The following ST3GAL1 variants were observed in gnomAD, a reference collection of about 807,000 sequenced individuals.
The protein encoded by ST3GAL1 is ST3 beta-galactoside alpha-2,3-sialyltransferase 1, also known as CMP-N-acetylneuraminate-beta-galactosamide-alpha-2,3-sialyltransferase 1.
A neutral mutation model predicts 34.1 loss-of-function variants in ST3GAL1; 16 were observed. The observed-to-expected ratio is 0.47, with a 90% CI of 0.32 to 0.71. The LOEUF (loss-of-function observed/expected upper bound fraction) is 0.71, where lower values mean the gene tolerates loss of function less well. Among genes scored for constraint, ST3GAL1 ranks in the 30% least tolerant of loss-of-function variants. ST3GAL1 has a pLI of 0.04. For synonymous variants in ST3GAL1, 191 were observed against 184.7 expected, an observed-to-expected ratio of 1.03 and a Z score of -0.28; for missense variants, 353 against 447.4, an observed-to-expected ratio of 0.79 and a Z score of 1.90.
At chr8:133,528,664 G>T (rs1001004398) in intron 2 of ST3GAL1, among the ~76,000 whole-genome samples, 2 of 152,198 alleles carry the variant, frequency 1.3e-5, no homozygotes, top group African/African-American at 4.8e-5. Context: ...TTTGTCTATG[G>T]CTGCTTTGTG....
chr8:133,489,118 T>G (rs896475781), intron 3 of ST3GAL1, among the ~76,000 whole-genome samples: 1 of 152,100 alleles, frequency 6.6e-6, no homozygotes, highest in Non-Finnish European at 1.5e-5. Context: ...AGCCCTAGGG[T>G]TGGAAACAGT....
At chr8:133,530,309 T>G (rs1489250460) in intron 2 of ST3GAL1, among the ~76,000 whole-genome samples, 2 of 151,798 alleles carry the variant, frequency 1.3e-5, no homozygotes. Context: ...GAGACAGAGT[T>G]TTGCTCTTGT....
chr8:133,551,602 G>GA (rs1262217481), intron 1 of ST3GAL1, among the ~76,000 whole-genome samples: 1 of 150,422 alleles, frequency 6.6e-6, no homozygotes, highest in Non-Finnish European at 1.5e-5. Context: ...AAGAAAGAAA[G>GA]AAAGAAAGAA....
rs534118986 is a variant in ST3GAL1 at position 133,556,943 on chromosome 8, T to C, written c.-581-11017A>G. On this transcript the variant is annotated intron_variant, in intron 1 of 9. Transcript: ENST00000522652. The surrounding 1 kb of genome is among the most constrained non-coding windows in gnomAD (Gnocchi z 8.9). ...CAGATATACTGGGTCTCGAGCCTTT[T>C]ATGATGTGCATGCATGTGTTAGAAG... 6.6e-6 allele frequency among the ~76,000 whole-genome samples: 1 copy of C among 152,290 alleles called. No individual in the cohort carries two copies. The highest frequency in any genetic ancestry group is 2.4e-5 in the African/African-American group (1 of 41,552).
chr8:133,532,025 C>T (rs1193685518), intron 2 of ST3GAL1, among the ~76,000 whole-genome samples: 1 of 152,152 alleles, frequency 6.6e-6, no homozygotes. Context: ...CAAATGACAT[C>T]TGATTTCACG....
chr8:133,540,836 G>GAGACATATATATATAGACATATATATAT (rs1563734034), intron 2 of ST3GAL1, among the ~76,000 whole-genome samples: 4 of 48,380 alleles, frequency 8.3e-5, no homozygotes, highest in African/African-American at 3.6e-4. Flanking sequence ...CATATATATA[G>GAGACATATATATATAGACATATATATAT]AGAGACATAT....
intron 3 of ST3GAL1, among the ~76,000 whole-genome samples, chr8:133,490,372 G>A (rs1043547949): frequency 2.0e-5 from 3 of 152,206 alleles, no homozygotes; most frequent in Non-Finnish European, 1.5e-5. Context: ...GGCGGCATGC[G>A]TATCTTCACT....
At chr8:133,462,724 C>T (rs1253872023) in intron 8 of ST3GAL1, among the ~76,000 whole-genome samples, 1 of 152,156 alleles carries the variant, frequency 6.6e-6, no homozygotes, top group Non-Finnish European at 1.5e-5. Flanking sequence ...TGGCCTCCTA[C>T]CATCTCTAGG....
At chr8:133,555,147 G>A (rs1818972567) in intron 1 of ST3GAL1, among the ~76,000 whole-genome samples, 1 of 152,154 alleles carries the variant, frequency 6.6e-6, no homozygotes, top group East Asian at 1.9e-4. Context: ...GGACTGCTCA[G>A]CCTTTCCAGA....
chr8:133,456,429 C>G lies in ST3GAL1; in HGVS notation c.*3335G>C, dbSNP rs1276608166. 6.6e-6 allele frequency: 1 copy of G among 152,276 alleles called. No homozygotes were observed. Among genetic ancestry groups the G allele is most frequent in the Admixed American group, 6.5e-5 (1 of 15,294 alleles). The allele number at this position is 152,276 out of a possible 1,614,324, so 9.4% of individuals were successfully genotyped here. ...GAATGCAGGGCCAGTCTCCAAGGAA[C>G]TCTGTCTGCAGAGTAGAAAGAGCTG... On this transcript the variant is annotated 3_prime_UTR_variant, in exon 10 of 10. Coordinates refer to ENST00000522652, the MANE Select transcript of ST3GAL1 (RefSeq NM_173344.3).
chr8:133,508,722 T>C lies in ST3GAL1; in HGVS notation c.-428-9533A>G, dbSNP rs183591738. ...CCATTGGTCATTTAGTAAAGACTCGTTGGGTCCCAAGAATGTGCCAGGCTC... is the reference window on the plus strand; with the variant it reads ...CCATTGGTCATTTAGTAAAGACTCGCTGGGTCCCAAGAATGTGCCAGGCTC... On this transcript the variant is annotated intron_variant, in intron 2 of 9. Transcript: ENST00000522652. The surrounding 1 kb of genome is among the most constrained non-coding windows in gnomAD (Gnocchi z 4.1). Among the ~76,000 whole-genome samples, 12 of 152,166 alleles carry C rather than the reference T, an allele frequency of 7.9e-5. No homozygotes were observed. The East Asian group carries it at 2.3e-3, about 29-fold the overall frequency.
intron 3 of ST3GAL1, among the ~76,000 whole-genome samples, chr8:133,497,348 T>A (rs923816351): frequency 6.6e-6 from 1 of 151,656 alleles, no homozygotes; most frequent in African/African-American, 2.4e-5. Flanking sequence ...GACAAAACCA[T>A]TGCAAACTTC....
At chr8:133,540,764 CATAT>C (rs1181520968) in intron 2 of ST3GAL1, among the ~76,000 whole-genome samples, 1 of 75,254 alleles carries the variant, frequency 1.3e-5, no homozygotes, top group East Asian at 4.3e-4. Flanking sequence ...TATATATAGA[CATAT>C]ATATATAGAG....
chr8:133,510,045 G>A lies in ST3GAL1; in HGVS notation c.-428-10856C>T, dbSNP rs531603872. Among the ~76,000 whole-genome samples, 6 of 133,606 alleles carry A rather than the reference G, an allele frequency of 4.5e-5. No homozygotes were observed. The South Asian group carries it at 9.9e-4, about 22-fold the overall frequency. 87.7% of individuals were successfully genotyped at this position (133,606 alleles called of 152,430 possible). On this transcript the variant is annotated intron_variant, in intron 2 of 9. Coordinates refer to ENST00000522652, the MANE Select transcript of ST3GAL1 (RefSeq NM_173344.3). ...TTGCACTCCAGCCTGGGCAACAAGA[G>A]TGAAACTCTGTCTCAAAAAAAAAAA...
At chr8:133,462,505 T>C (rs1259097604) in intron 8 of ST3GAL1, among the ~76,000 whole-genome samples, 1 of 152,180 alleles carries the variant, frequency 6.6e-6, no homozygotes. Flanking sequence ...ATCTGCCCAA[T>C]GTCACACAGC....
chr8:133,563,948 G>C (rs552511064), intron 1 of ST3GAL1, among the ~76,000 whole-genome samples: 1 of 152,126 alleles, frequency 6.6e-6, no homozygotes, highest in African/African-American at 2.4e-5. Flanking sequence ...CCATCCTCAC[G>C]AGCAGCCCGC....
chr8:133,555,870 G>T (rs1034611480), intron 1 of ST3GAL1, among the ~76,000 whole-genome samples: 42 of 150,784 alleles, frequency 2.8e-4, no homozygotes, highest in Middle Eastern at 6.8e-3. Context: ...TTTTTTTGTT[G>T]TTGTTGTTGT....
chr8:133,464,713 G>C (rs1815660168), intron 7 of ST3GAL1, 65 bp downstream of exon 7: 1 of 1,538,138 alleles, frequency 6.5e-7, no homozygotes, highest in Admixed American at 1.8e-5. Flanking sequence ...ACCACGGCAG[G>C]GTGGGGGGAC....
In ST3GAL1 at chr8:133,554,963, G is replaced by A. The variant is rs556377913; in HGVS notation, c.-581-9037C>T. The stretch of plus-strand genomic sequence containing the variant: ...AGGATGGTCTCGAGCTCCTGACCTC[G>A]TGATCTGCCAGCCACGGCCTCCCAA... On this transcript the variant is annotated intron_variant, in intron 1 of 9. Coordinates refer to ENST00000522652, the MANE Select transcript of ST3GAL1 (RefSeq NM_173344.3). Among the ~76,000 whole-genome samples, 216 of 152,046 alleles carry A rather than the reference G, an allele frequency of 1.4e-3. 6 individuals carry two copies. The South Asian group carries it at 0.043, about 30-fold the overall frequency.
Sources: allele counts gnomAD v4.1 joint callset (sites outside exome capture counted in the v4.1 genomes callset), GRCh38; gene constraint gnomAD v4.1.1; non-coding constraint Gnocchi (gnomAD v3.1); transcripts MANE v1.5; gene names NCBI Gene and HGNC (gene_info 2026-07-23, HGNC 2026-07-21).